Variants in ACACA observed in about 807,000 individuals in gnomAD.
ACACA encodes acetyl-CoA carboxylase alpha, also known as acetyl-CoA carboxylase 1.
A neutral mutation model predicts 296.1 loss-of-function variants in ACACA; 103 were observed. The observed-to-expected ratio is 0.35, with a 90% CI of 0.30 to 0.41. The LOEUF (loss-of-function observed/expected upper bound fraction) is 0.41. Ranked by LOEUF, ACACA falls within the 10% of genes least tolerant of loss-of-function variation. The pLI, the probability that ACACA is intolerant of heterozygous loss-of-function variation, is 1.00. For synonymous variants in ACACA, 953 were observed against 1,038.6 expected, an observed-to-expected ratio of 0.92 and a Z score of 1.58; for missense variants, 1,554 against 2,989.7, an observed-to-expected ratio of 0.52 and a Z score of 11.20.
chr17:37,243,578 T>TA lies in ACACA; in HGVS notation c.2743-20dup. On this transcript the variant is annotated intron_variant, in intron 21 of 55. Transcript: ENST00000616317. ...CTTTTACCTAGAAAGAAAGCATTGG[T>TA]AAAATAGGACCCAAGTTAACACAAT... 1 of 1,611,834 alleles carries TA rather than the reference T, an allele frequency of 6.2e-7. No individual in the cohort carries two copies. Among genetic ancestry groups the TA allele is most frequent in the Non-Finnish European group, 8.5e-7 (1 of 1,178,422 alleles).
At chr17:37,157,624 C>T (rs142748800) in intron 42 of ACACA, among the ~76,000 whole-genome samples, 4,306 of 150,312 alleles carry the variant, frequency 0.029, 183 homozygotes, top group African/African-American at 0.099. Context: ...CAACCTCTGC[C>T]TCCTGGGCTA....
intron 1 of ACACA, among the ~76,000 whole-genome samples, chr17:37,371,857 GC>G (rs1568066833): frequency 6.6e-6 from 1 of 151,842 alleles, no homozygotes; most frequent in East Asian, 1.9e-4. Context: ...CTGAGATCAC[GC>G]CACCGTACTC....
intron 47 of ACACA, among the ~76,000 whole-genome samples, chr17:37,126,256 T>C (rs1248691626): frequency 6.6e-6 from 1 of 152,248 alleles, no homozygotes; most frequent in African/African-American, 2.4e-5. Context: ...TAAGTATTAA[T>C]GATCAGATAA....
At position 37,274,184 on chromosome 17, in the gene ACACA, G is replaced by A. The variant is rs765001437; in HGVS notation, c.1008+9C>T. 3.1e-6 allele frequency: 5 copies of A among 1,607,380 alleles called. No homozygotes were observed. Among genetic ancestry groups the A allele is most frequent in the South Asian group, 1.1e-5 (1 of 90,942 alleles). On this transcript the variant is annotated intron_variant, in intron 9 of 55. Coordinates refer to ENST00000616317, the MANE Select transcript of ACACA (RefSeq NM_198834.3). Reference sequence around the variant, plus strand: ...TGAAAGGTATCACTCCCTGGAGTTAGTAACCTACCTGTAGCCCATCATCCA... The same window carrying A: ...TGAAAGGTATCACTCCCTGGAGTTAATAACCTACCTGTAGCCCATCATCCA...
chr17:37,334,244 C>T (rs963497295), intron 2 of ACACA, among the ~76,000 whole-genome samples: 8 of 152,068 alleles, frequency 5.3e-5, no homozygotes, highest in African/African-American at 7.2e-5. Context: ...GCTGTATGGA[C>T]GGCCCTTCCT....
At chr17:37,332,008 T>C (rs1426979620) in intron 2 of ACACA, among the ~76,000 whole-genome samples, 1 of 152,044 alleles carries the variant, frequency 6.6e-6, no homozygotes, top group Admixed American at 6.6e-5. Context: ...GACACTGATA[T>C]GAGAAGAAAA....
intron 1 of ACACA, chr17:37,367,712 C>T (rs2049655857): frequency 6.6e-6 from 1 of 152,184 alleles, no homozygotes; most frequent in African/African-American, 2.4e-5. Context: ...ATGTTCCTTT[C>T]CTTTCATTTC....
chr17:37,144,923 T>C (rs890525717), intron 45 of ACACA, among the ~76,000 whole-genome samples: 2 of 152,148 alleles, frequency 1.3e-5, no homozygotes, highest in African/African-American at 2.4e-5. Flanking sequence ...ATACCTTACC[T>C]TCACAGTCAG....
At chr17:37,214,023 T>C (rs2078875092) in intron 29 of ACACA, among the ~76,000 whole-genome samples, 1 of 151,296 alleles carries the variant, frequency 6.6e-6, no homozygotes, top group Non-Finnish European at 1.5e-5. Flanking sequence ...ATGAAAATGA[T>C]GGGGATGCAT....
intron 1 of ACACA, among the ~76,000 whole-genome samples, chr17:37,343,936 A>G (rs374522034): frequency 6.6e-6 from 1 of 152,038 alleles, no homozygotes; most frequent in African/African-American, 2.4e-5. Flanking sequence ...TTTTAAAATA[A>G]CAAGAACTTG....
At chr17:37,337,331 G>A (rs575833639) in intron 2 of ACACA, among the ~76,000 whole-genome samples, 5 of 150,004 alleles carry the variant, frequency 3.3e-5, no homozygotes, top group East Asian at 2.0e-4. Context: ...TGGGAGAATC[G>A]TTTGAGCCCA....
chr17:37,354,917 C>A (rs563565805), intron 1 of ACACA, among the ~76,000 whole-genome samples: 78 of 151,292 alleles, frequency 5.2e-4, no homozygotes, highest in Non-Finnish European at 9.7e-4. Context: ...GGTGACACAG[C>A]GAGAGAATCT....
intron 33 of ACACA, among the ~76,000 whole-genome samples, chr17:37,202,424 T>C (rs760124635): frequency 1.3e-5 from 2 of 151,940 alleles, no homozygotes; most frequent in Non-Finnish European, 2.9e-5. Context: ...CACTGACTGC[T>C]TCAATCTCCT....
rs71368449 is a variant in ACACA, at chr17:37,268,741, C to CTATATATA, written c.1119+2002_1119+2009dup. On this transcript the variant is annotated intron_variant, in intron 10 of 55. Transcript: ENST00000616317. The stretch of plus-strand genomic sequence containing the variant: ...TCTATCTATCTATCTATCTATCTAT[C>CTATATATA]TATATATATATATATATATATATAT... Among the ~76,000 whole-genome samples the CTATATATA allele has an allele frequency of 9.4e-3, 885 of 94,432 alleles. 9 individuals carry two copies. Among genetic ancestry groups the CTATATATA allele is most frequent in the Middle Eastern group, 0.036 (8 of 220 alleles). The allele number at this position is 94,432 out of a possible 152,430, so 62.0% of individuals were successfully genotyped here. A position where few individuals can be genotyped will look rare whatever the true frequency, so the allele number is the denominator to read the frequency against.
At chr17:37,318,024 A>C (rs2047177051) in intron 3 of ACACA, among the ~76,000 whole-genome samples, 1 of 152,306 alleles carries the variant, frequency 6.6e-6, no homozygotes, top group Middle Eastern at 3.4e-3. Flanking sequence ...CTGAAAGTAG[A>C]AAGTTTGGAG....
intron 41 of ACACA, among the ~76,000 whole-genome samples, chr17:37,179,010 A>G (rs1029573817): frequency 1.3e-5 from 2 of 152,322 alleles, no homozygotes; most frequent in Non-Finnish European, 1.5e-5. Flanking sequence ...CTAAAAGAAA[A>G]CAATATTCCT....
At chr17:37,105,618 AC>A (rs2073631717) in intron 52 of ACACA, among the ~76,000 whole-genome samples, 1 of 152,060 alleles carries the variant, frequency 6.6e-6, no homozygotes, top group Admixed American at 6.6e-5. Flanking sequence ...TAATCCCAAC[AC>A]TTTAGGAGGC....
At position 37,266,219 on chromosome 17, in the gene ACACA, GC is replaced by G. The variant is rs535891994; in HGVS notation, c.1120-2326del. 1.4e-3 allele frequency among the ~76,000 whole-genome samples: 211 copies of G among 152,136 alleles called. 1 individual carries two copies. The highest frequency in any genetic ancestry group is 5.0e-3 in the African/African-American group (207 of 41,496). On this transcript the variant is annotated intron_variant, in intron 10 of 55. Transcript: ENST00000616317. ...ATCTGATGTCAGGAGTTCGAGACCAGCCTGAGCAACATGGTGAAACCTCATC... is the reference window on the plus strand; with the variant it reads ...ATCTGATGTCAGGAGTTCGAGACCAGCTGAGCAACATGGTGAAACCTCATC...
At chr17:37,103,059 G>T (rs1020762835) in intron 52 of ACACA, among the ~76,000 whole-genome samples, 1 of 152,062 alleles carries the variant, frequency 6.6e-6, no homozygotes, top group Non-Finnish European at 1.5e-5. Flanking sequence ...TTTGTTTTAG[G>T]GGAAAAAAGA....
Sources: allele counts gnomAD v4.1 joint callset (sites outside exome capture counted in the v4.1 genomes callset), GRCh38; gene constraint gnomAD v4.1.1; transcripts MANE v1.5; gene names NCBI Gene and HGNC (gene_info 2026-07-23, HGNC 2026-07-21).